The following CPA6 variants were observed in gnomAD, a reference collection of about 807,000 sequenced individuals.
The protein encoded by CPA6 is carboxypeptidase B.
In CPA6, 58 loss-of-function variants were observed where a neutral mutation model predicts 63.3. The observed-to-expected ratio is 0.92, with a 90% CI of 0.74 to 1.14. The LOEUF is 1.14. CPA6 is among the 50% of genes most tolerant of loss of function. CPA6 has a pLI of 0.00. For synonymous variants in CPA6, 185 were observed against 179.0 expected (o/e 1.03, Z -0.27); for missense variants, 565 against 526.6 (o/e 1.07, Z -0.71).
intron 1 of CPA6, among the ~76,000 whole-genome samples, chr8:67,626,426 AT>A (rs1815195769): frequency 6.6e-6 from 1 of 152,172 alleles, no homozygotes; most frequent in Non-Finnish European, 1.5e-5. Context: ...CTGATAATAA[AT>A]TACTGTTTTA....
At chr8:67,677,909 G>A (rs1242389551) in intron 1 of CPA6, among the ~76,000 whole-genome samples, 11 of 151,544 alleles carry the variant, frequency 7.3e-5, no homozygotes, top group Admixed American at 5.9e-4. Context: ...CAACTCCCCA[G>A]GGTAGGCAAA....
chr8:67,604,880 C>T (rs1479827947), intron 2 of CPA6, among the ~76,000 whole-genome samples: 2 of 152,092 alleles, frequency 1.3e-5, no homozygotes, highest in African/African-American at 2.4e-5. Context: ...CGGGTTCAAG[C>T]GATTTTCCCG....
intron 2 of CPA6, among the ~76,000 whole-genome samples, chr8:67,555,842 G>A (rs992192777): frequency 6.6e-5 from 10 of 152,182 alleles, no homozygotes; most frequent in African/African-American, 2.2e-4. Flanking sequence ...CATATTTGGT[G>A]TCAGGAAAAA....
chr8:67,447,020 A>C (rs1810435356), intron 8 of CPA6, among the ~76,000 whole-genome samples: 1 of 130,520 alleles, frequency 7.7e-6, no homozygotes, highest in Admixed American at 7.2e-5. Flanking sequence ...ATATACACAC[A>C]CACATATATA....
chr8:67,563,690 C>G (rs1056172634), intron 2 of CPA6, among the ~76,000 whole-genome samples: 3 of 152,136 alleles, frequency 2.0e-5, no homozygotes, highest in Admixed American at 6.5e-5. Flanking sequence ...ATTGTATAGC[C>G]TTAAAATCTC....
At chr8:67,594,802 C>G (rs1396640943) in intron 2 of CPA6, among the ~76,000 whole-genome samples, 2 of 152,146 alleles carry the variant, frequency 1.3e-5, no homozygotes, top group Non-Finnish European at 2.9e-5. Flanking sequence ...TCAAAGTTTT[C>G]AACTTCTTTG....
chr8:67,519,963 G>A (rs2128967177), intron 2 of CPA6, among the ~76,000 whole-genome samples: 1 of 151,984 alleles, frequency 6.6e-6, no homozygotes, highest in East Asian at 1.9e-4. Context: ...CTATTCTTCA[G>A]TGAGGAATAG....
chr8:67,677,262 T>C (rs1248287064), intron 1 of CPA6, among the ~76,000 whole-genome samples: 1 of 152,176 alleles, frequency 6.6e-6, no homozygotes, highest in Non-Finnish European at 1.5e-5. Context: ...GAGTGATTTC[T>C]ATCTGTTCCA....
At chr8:67,693,798 G>A (rs972080815) in intron 1 of CPA6, among the ~76,000 whole-genome samples, 2 of 152,206 alleles carry the variant, frequency 1.3e-5, no homozygotes, top group African/African-American at 2.4e-5. Flanking sequence ...GTTTGTTATA[G>A]CAGCCTGAAC....
intron 1 of CPA6, among the ~76,000 whole-genome samples, chr8:67,688,468 T>C (rs1370501145): frequency 6.6e-6 from 1 of 152,172 alleles, no homozygotes; most frequent in Non-Finnish European, 1.5e-5. Flanking sequence ...ACAGGACTCA[T>C]TTACCCAAAA....
At chr8:67,489,722 T>A (rs1811564414) in intron 6 of CPA6, among the ~76,000 whole-genome samples, 1 of 152,196 alleles carries the variant, frequency 6.6e-6, no homozygotes, top group Non-Finnish European at 1.5e-5. Flanking sequence ...TTGTTTGTAT[T>A]ACCTATATTC....
chr8:67,721,990 C>G (rs888385982), intron 1 of CPA6, among the ~76,000 whole-genome samples: 70 of 152,192 alleles, frequency 4.6e-4, no homozygotes, highest in African/African-American at 1.7e-3. Flanking sequence ...TCAAATAAGG[C>G]AAATGCCAAG....
At chr8:67,433,293 T>C (rs1319472159) in intron 9 of CPA6, among the ~76,000 whole-genome samples, 1 of 152,220 alleles carries the variant, frequency 6.6e-6, no homozygotes, top group African/African-American at 2.4e-5. Context: ...CTTCTAGCAC[T>C]GTATATTAGT....
intron 2 of CPA6, among the ~76,000 whole-genome samples, chr8:67,594,571 GC>G (rs1472819702): frequency 6.6e-6 from 1 of 152,120 alleles, no homozygotes; most frequent in Non-Finnish European, 1.5e-5. Context: ...TTTCTTGGAG[GC>G]TTTGTTTGTT....
At chr8:67,557,901 C>T (rs1174047245) in intron 2 of CPA6, among the ~76,000 whole-genome samples, 2 of 152,122 alleles carry the variant, frequency 1.3e-5, no homozygotes, top group African/African-American at 2.4e-5. Flanking sequence ...AGACCCTCCC[C>T]GTCCCTAGAG....
Position 67,434,882 on chromosome 8 carries a change from C to T in CPA6, c.839-642G>A, listed in dbSNP as rs547638194. Among the ~76,000 whole-genome samples, 168 of 152,364 alleles carry T rather than the reference C, an allele frequency of 1.1e-3. 2 individuals are homozygous for T. In the South Asian group the frequency reaches 0.034, roughly 30 times the overall value. On this transcript the variant is annotated intron_variant, in intron 8 of 10. Transcript: ENST00000297770. Reference sequence around the variant, plus strand: ...AAATCCACCCTTACCCCTCCTGACCCCCCAAGTGGAGGGAACAGATCCTGG... The same window carrying T: ...AAATCCACCCTTACCCCTCCTGACCTCCCAAGTGGAGGGAACAGATCCTGG...
At chr8:67,499,838 A>G (rs546288369) in intron 6 of CPA6, among the ~76,000 whole-genome samples, 1 of 152,200 alleles carries the variant, frequency 6.6e-6, no homozygotes, top group Non-Finnish European at 1.5e-5. Flanking sequence ...TGTTCCTTTT[A>G]ATTGTTGAAT....
chr8:67,580,964 C>A (rs1156487278), intron 2 of CPA6, among the ~76,000 whole-genome samples: 2 of 152,066 alleles, frequency 1.3e-5, no homozygotes, highest in Admixed American at 1.3e-4. Context: ...TAGTCACCCC[C>A]AAGTGTTATG....
rs146645193 is a variant in CPA6 at position 67,548,609 on chromosome 8, G to A, written c.193-30562C>T. 1.4e-3 allele frequency among the ~76,000 whole-genome samples: 206 copies of A among 152,262 alleles called. 1 individual carries two copies. The highest frequency in any genetic ancestry group is 2.4e-3 in the Admixed American group (36 of 15,298). ...CAAAAAACAAAGGAAGAACAACTAT[G>A]AGATGATATGTGATTAAAATTATAT... is the stretch of plus-strand genomic sequence containing the variant. On this transcript the variant is annotated intron_variant, in intron 2 of 10. Coordinates refer to ENST00000297770, the MANE Select transcript of CPA6 (RefSeq NM_020361.5).
Sources: allele counts gnomAD v4.1 joint callset (sites outside exome capture counted in the v4.1 genomes callset), GRCh38; gene constraint gnomAD v4.1.1; transcripts MANE v1.5; gene names NCBI Gene and HGNC (gene_info 2026-07-23, HGNC 2026-07-21).